SHISA9: variants seen among roughly 807,000 people sequenced by gnomAD.
SHISA9 encodes the protein shisa family member 9.
A neutral mutation model predicts 38.0 loss-of-function variants in SHISA9; 13 were observed. That is an observed-to-expected ratio of 0.34 (90% CI 0.22 to 0.54). The LOEUF (loss-of-function observed/expected upper bound fraction) is 0.54. Among genes scored for constraint, SHISA9 ranks in the 20% least tolerant of loss-of-function variants. The probability of loss-of-function intolerance (pLI) is 0.91; values close to 1 mark genes in which losing one functional copy is unlikely to be tolerated. For missense variants in SHISA9, 538 were observed against 575.8 expected, an observed-to-expected ratio of 0.93 and a Z score of 0.67; for synonymous variants, 275 against 242.0, an observed-to-expected ratio of 1.14 and a Z score of -1.27.
At chr16:13,302,613 G>A in the SHISA9 span, among the ~76,000 whole-genome samples, 2 of 152,108 alleles carry the variant, frequency 1.3e-5, no homozygotes, top group African/African-American at 4.8e-5. Flanking sequence ...CCTTCTTTTG[G>A]CATCTCACAG....
intron 2 of SHISA9, among the ~76,000 whole-genome samples, chr16:12,994,287 G>A (rs78389288): frequency 0.034 from 5,218 of 152,248 alleles, 282 homozygotes; most frequent in African/African-American, 0.12. Flanking sequence ...AGAGAGAAGT[G>A]AATGGACCTG....
chr16:12,964,999 A>C (rs1403865447), intron 2 of SHISA9, among the ~76,000 whole-genome samples: 1 of 152,180 alleles, frequency 6.6e-6, no homozygotes, highest in East Asian at 1.9e-4. Flanking sequence ...ATCCTTATAT[A>C]TATCTCCATG....
the SHISA9 span, among the ~76,000 whole-genome samples, chr16:13,519,353 G>A: frequency 1.3e-5 from 2 of 152,118 alleles, no homozygotes; most frequent in African/African-American, 2.4e-5. Context: ...ACCATGAACC[G>A]TAGCAATTGA....
chr16:13,209,817 C>G (rs1034632071), intron 3 of SHISA9, among the ~76,000 whole-genome samples: 7 of 152,182 alleles, frequency 4.6e-5, no homozygotes, highest in African/African-American at 1.7e-4. Context: ...GAAAATATCC[C>G]TAGGCCGGGT....
At chr16:12,990,740 G>A (rs550283886) in intron 2 of SHISA9, among the ~76,000 whole-genome samples, 1 of 152,274 alleles carries the variant, frequency 6.6e-6, no homozygotes, top group Admixed American at 6.5e-5. Context: ...GTAGTGGGCA[G>A]GCCCCACAAC....
chr16:13,546,565 A>G, the SHISA9 span, among the ~76,000 whole-genome samples: 1 of 152,214 alleles, frequency 6.6e-6, no homozygotes, highest in Non-Finnish European at 1.5e-5. Context: ...CAATTGAAAG[A>G]CGTAAAGTAG....
intron 2 of SHISA9, among the ~76,000 whole-genome samples, chr16:13,139,011 C>G (rs1003814613): frequency 6.6e-6 from 1 of 152,140 alleles, no homozygotes; most frequent in Non-Finnish European, 1.5e-5. Flanking sequence ...CAACTCCTAT[C>G]CTCAAACGTG....
chr16:13,080,964 T>G (rs376697715), intron 2 of SHISA9, among the ~76,000 whole-genome samples: 1 of 152,270 alleles, frequency 6.6e-6, no homozygotes, highest in East Asian at 1.9e-4. Flanking sequence ...AGAGGTAATC[T>G]CTCTCATGTC....
At chr16:13,177,731 G>A (rs936933038) in intron 2 of SHISA9, among the ~76,000 whole-genome samples, 1 of 152,002 alleles carries the variant, frequency 6.6e-6, no homozygotes, top group Non-Finnish European at 1.5e-5. Context: ...GTGCAATGGC[G>A]CAGTCTAGGC....
the SHISA9 span, among the ~76,000 whole-genome samples, chr16:13,385,504 A>G: frequency 6.9e-6 from 1 of 144,308 alleles, no homozygotes. Context: ...ATGAAATAGT[A>G]CTCAGCAAAG....
chr16:13,065,548 G>A (rs1190967640), intron 2 of SHISA9, among the ~76,000 whole-genome samples: 1 of 152,226 alleles, frequency 6.6e-6, no homozygotes, highest in African/African-American at 2.4e-5. Context: ...GCACCATCAG[G>A]TGGGCTTTTG....
the SHISA9 span, among the ~76,000 whole-genome samples, chr16:13,271,211 G>C: frequency 6.6e-6 from 1 of 152,186 alleles, no homozygotes; most frequent in East Asian, 1.9e-4. Context: ...AACCACACTG[G>C]TGATCCGGGA....
chr16:13,070,334 C>A (rs898157922), intron 2 of SHISA9, among the ~76,000 whole-genome samples: 2 of 152,178 alleles, frequency 1.3e-5, no homozygotes, highest in African/African-American at 4.8e-5. Context: ...TGCCCAGCAC[C>A]CAGTCTCTGT....
the SHISA9 span, among the ~76,000 whole-genome samples, chr16:13,561,963 T>C: frequency 5.9e-5 from 9 of 152,218 alleles, no homozygotes; most frequent in Admixed American, 4.6e-4. Context: ...AGGGGCATCA[T>C]TGAGACTGTG....
chr16:13,447,058 A>C, the SHISA9 span, among the ~76,000 whole-genome samples: 5 of 149,840 alleles, frequency 3.3e-5, no homozygotes, highest in Admixed American at 3.3e-4. Context: ...GAGAGAGAGA[A>C]AGAAAGAATA....
At chr16:13,469,344 A>AAG in the SHISA9 span, among the ~76,000 whole-genome samples, 2 of 129,224 alleles carry the variant, frequency 1.5e-5, no homozygotes, top group African/African-American at 5.9e-5. Flanking sequence ...GAAAGAAAGA[A>AAG]AGAAAGAAAG....
chr16:13,525,935 T>C, the SHISA9 span, among the ~76,000 whole-genome samples: 1 of 152,336 alleles, frequency 6.6e-6, no homozygotes, highest in East Asian at 1.9e-4. Flanking sequence ...AGTGAGCAAA[T>C]GGTGACATCA....
At chr16:13,377,477 T>C in the SHISA9 span, among the ~76,000 whole-genome samples, 2 of 152,210 alleles carry the variant, frequency 1.3e-5, no homozygotes, top group Non-Finnish European at 2.9e-5. Context: ...ATGCCTCTGT[T>C]ACCTGGACTG....
rs746360739 is a variant in SHISA9 at position 12,902,352 on chromosome 16, C to T, written c.288C>T (p.Ile96=). The T allele has an allele frequency of 2.6e-6, 4 of 1,551,534 alleles. 1 individual carries two copies. The South Asian group carries it at 4.8e-5, about 18-fold the overall frequency. ...PPFNCSSGDF[I]FCCGTCGFRF... ...TCAACTGCAGCTCGGGCGACTTCAT[C>T]TTCTGCTGCGGGACTTGTGGCTTCC... Residue 96 remains isoleucine, a synonymous_variant, in exon 1 of 5, where the codon ATC becomes ATT. Transcript: ENST00000558583.
Sources: allele counts gnomAD v4.1 joint callset (sites outside exome capture counted in the v4.1 genomes callset), GRCh38; gene constraint gnomAD v4.1.1; transcripts MANE v1.5; gene names NCBI Gene and HGNC (gene_info 2026-07-23, HGNC 2026-07-21).